PDGFC: variants seen among roughly 807,000 people sequenced by gnomAD.
PDGFC encodes platelet-derived growth factor C.
PDGFC carries 12 observed loss-of-function variants against 35.5 expected under a neutral mutation model. The observed-to-expected ratio is 0.34, with a 90% CI of 0.22 to 0.55. The LOEUF is 0.55. Ranked by LOEUF, PDGFC falls within the 20% of genes least tolerant of loss-of-function variation. The probability of loss-of-function intolerance (pLI) is 0.91; values close to 1 mark genes in which losing one functional copy is unlikely to be tolerated. For missense variants in PDGFC, 322 were observed against 412.4 expected (o/e 0.78, Z 1.90); for synonymous variants, 159 against 148.8 (o/e 1.07, Z -0.50).
chr4:156,785,713 T>C (rs996102046), intron 3 of PDGFC, among the ~76,000 whole-genome samples: 1 of 152,106 alleles, frequency 6.6e-6, no homozygotes, highest in East Asian at 1.9e-4. Flanking sequence ...TAAAATTCTA[T>C]CAACTAGGAT....
intron 1 of PDGFC, among the ~76,000 whole-genome samples, chr4:156,889,364 C>T (rs571082997): frequency 5.0e-4 from 76 of 152,164 alleles, no homozygotes; most frequent in Middle Eastern, 3.4e-3. Flanking sequence ...TAAGATGTCA[C>T]GTAATCTTCA....
chr4:156,869,758 T>C (rs1186774789), intron 1 of PDGFC, among the ~76,000 whole-genome samples: 1 of 152,190 alleles, frequency 6.6e-6, no homozygotes, highest in Non-Finnish European at 1.5e-5. Context: ...AATATGCCTA[T>C]TCGTGTCTTT....
chr4:156,793,409 C>G (rs904295879), intron 3 of PDGFC, among the ~76,000 whole-genome samples: 1 of 151,274 alleles, frequency 6.6e-6, no homozygotes, highest in South Asian at 2.1e-4. Flanking sequence ...TTCAAACTCA[C>G]GTTGTGACAT....
At chr4:156,866,633 TTAAG>T (rs1729850220) in intron 1 of PDGFC, among the ~76,000 whole-genome samples, 1 of 152,116 alleles carries the variant, frequency 6.6e-6, no homozygotes, top group African/African-American at 2.4e-5. Context: ...AATTGGTACA[TTAAG>T]TGTCATTTCA....
chr4:156,934,237 C>T (rs549058169), intron 1 of PDGFC, among the ~76,000 whole-genome samples: 72 of 152,312 alleles, frequency 4.7e-4, no homozygotes, highest in South Asian at 1.0e-3. Context: ...ACGTAGGCTA[C>T]GTAGTACAGC....
chr4:156,952,609 G>A (rs561376067), intron 1 of PDGFC, among the ~76,000 whole-genome samples: 3 of 151,808 alleles, frequency 2.0e-5, no homozygotes, highest in Non-Finnish European at 4.4e-5. Context: ...AATACCACAG[G>A]CCAATTCTCC....
intron 1 of PDGFC, among the ~76,000 whole-genome samples, chr4:156,860,130 C>T (rs957985182): frequency 3.9e-5 from 6 of 152,128 alleles, no homozygotes; most frequent in African/African-American, 1.4e-4. Context: ...CTTTATGAGG[C>T]TCACCAAAAT....
intron 5 of PDGFC, among the ~76,000 whole-genome samples, chr4:156,764,716 C>T (rs764745078): frequency 3.3e-5 from 5 of 152,148 alleles, no homozygotes; most frequent in African/African-American, 4.8e-5. Flanking sequence ...AACTCAATGG[C>T]TACTGAATAC....
intron 1 of PDGFC, among the ~76,000 whole-genome samples, chr4:156,902,770 T>C (rs1730820146): frequency 6.6e-6 from 1 of 152,190 alleles, no homozygotes; most frequent in South Asian, 2.1e-4. Context: ...TAAATATTCA[T>C]GTGGCACAGA....
chr4:156,781,239 C>T (rs1303461761), intron 3 of PDGFC, among the ~76,000 whole-genome samples: 3 of 152,124 alleles, frequency 2.0e-5, no homozygotes, highest in African/African-American at 7.2e-5. Context: ...AATCTTCATA[C>T]TATGTCTGGA....
At chr4:156,953,819 C>A (rs1043811530) in intron 1 of PDGFC, among the ~76,000 whole-genome samples, 1 of 151,824 alleles carries the variant, frequency 6.6e-6, no homozygotes, top group Non-Finnish European at 1.5e-5. Context: ...ATCAATACCC[C>A]CAACTCACCC....
intron 3 of PDGFC, among the ~76,000 whole-genome samples, chr4:156,804,712 G>A (rs908979000): frequency 5.9e-5 from 9 of 151,944 alleles, no homozygotes; most frequent in African/African-American, 2.2e-4. Flanking sequence ...TATTGAATGG[G>A]TAGGAATATT....
chr4:156,841,168 T>A (rs1195771159), intron 2 of PDGFC, among the ~76,000 whole-genome samples: 1 of 152,068 alleles, frequency 6.6e-6, no homozygotes, highest in Non-Finnish European at 1.5e-5. Context: ...AGGAATGATA[T>A]AATTTGGCTG....
At chr4:156,951,731 G>GAAA (rs776491759) in intron 1 of PDGFC, among the ~76,000 whole-genome samples, 7 of 110,740 alleles carry the variant, frequency 6.3e-5, no homozygotes, top group Non-Finnish European at 6.0e-5. Flanking sequence ...CTACCTTATA[G>GAAA]AAAAAAAAAA....
intron 2 of PDGFC, among the ~76,000 whole-genome samples, chr4:156,812,005 A>T (rs1000397676): frequency 6.6e-6 from 1 of 152,082 alleles, no homozygotes; most frequent in African/African-American, 2.4e-5. Context: ...AGTTCATCTA[A>T]CTATAAACAT....
chr4:156,782,750 A>C (rs1731016966), intron 3 of PDGFC, among the ~76,000 whole-genome samples: 1 of 152,196 alleles, frequency 6.6e-6, no homozygotes, highest in Admixed American at 6.5e-5. Context: ...TTTTGTGAAA[A>C]GTTGGTACGG....
chr4:156,880,331 T>C (rs1465505235), intron 1 of PDGFC, among the ~76,000 whole-genome samples: 2 of 151,990 alleles, frequency 1.3e-5, no homozygotes, highest in Non-Finnish European at 2.9e-5. Flanking sequence ...CCTTTAAGAA[T>C]TATGTTAAAT....
intron 3 of PDGFC, among the ~76,000 whole-genome samples, chr4:156,804,010 T>C (rs1210170299): frequency 6.6e-6 from 1 of 151,950 alleles, no homozygotes; most frequent in Non-Finnish European, 1.5e-5. Context: ...CTTGGAAGAG[T>C]TGGTACAATA....
intron 1 of PDGFC, among the ~76,000 whole-genome samples, chr4:156,940,296 T>C (rs968707117): frequency 6.6e-6 from 1 of 152,122 alleles, no homozygotes; most frequent in Non-Finnish European, 1.5e-5. Flanking sequence ...GCCAGTCTTT[T>C]CTAAAATTTT....
Sources: gnomAD v4.1 joint callset for allele counts (sites outside exome capture counted in the v4.1 genomes callset) on GRCh38, gnomAD v4.1.1 for gene constraint, MANE v1.5 for transcripts, NCBI Gene and HGNC (gene_info 2026-07-23, HGNC 2026-07-21) for gene names.